Variants in NKAIN3 observed in about 807,000 individuals in gnomAD.
The protein encoded by NKAIN3 is sodium/potassium-transporting ATPase subunit beta-1-interacting protein 3.
Under a neutral mutation model 30.2 loss-of-function variants are expected in NKAIN3, and 25 were observed. The ratio of observed to expected loss-of-function variants is 0.83; its 90% confidence interval spans 0.60 to 1.16. The LOEUF (loss-of-function observed/expected upper bound fraction) is 1.16. Among genes scored for constraint, NKAIN3 ranks in the 50% most tolerant of loss-of-function variants. The pLI is 0.00. For missense variants in NKAIN3, 225 were observed against 254.1 expected, an observed-to-expected ratio of 0.89 and a Z score of 0.78; for synonymous variants, 91 against 89.6, an observed-to-expected ratio of 1.02 and a Z score of -0.09.
intron 1 of NKAIN3, among the ~76,000 whole-genome samples, chr8:62,549,771 G>C (rs1449826767): frequency 6.6e-6 from 1 of 151,078 alleles, no homozygotes; most frequent in Non-Finnish European, 1.5e-5. Flanking sequence ...AAAAGTTTTA[G>C]AATTGATTTT....
chr8:62,433,397 TAAAAA>T (rs960625099), intron 1 of NKAIN3, among the ~76,000 whole-genome samples: 3 of 152,054 alleles, frequency 2.0e-5, no homozygotes, highest in Non-Finnish European at 2.9e-5. Flanking sequence ...ATTAGTAAAA[TAAAAA>T]TACAATCTCA....
chr8:62,460,691 C>T (rs2129599450), intron 1 of NKAIN3, among the ~76,000 whole-genome samples: 1 of 152,250 alleles, frequency 6.6e-6, no homozygotes, highest in African/African-American at 2.4e-5. Context: ...TACTCAAATC[C>T]TCACTCCCAC....
intron 1 of NKAIN3, among the ~76,000 whole-genome samples, chr8:62,393,223 C>A (rs558407290): frequency 1.4e-4 from 21 of 152,052 alleles, no homozygotes; most frequent in African/African-American, 5.1e-4. Context: ...CTTCTAAAAG[C>A]TTTATAGTTT....
intron 4 of NKAIN3, among the ~76,000 whole-genome samples, chr8:62,756,966 A>C (rs1449603356): frequency 1.3e-5 from 2 of 152,190 alleles, no homozygotes; most frequent in Non-Finnish European, 2.9e-5. Flanking sequence ...TAATCTCCAA[A>C]TATTGATTAT....
intron 1 of NKAIN3, among the ~76,000 whole-genome samples, chr8:62,332,274 G>A (rs1815381174): frequency 6.6e-6 from 1 of 152,056 alleles, no homozygotes; most frequent in African/African-American, 2.4e-5. Context: ...AGACTTCCAA[G>A]AACATATTGC....
chr8:62,723,091 C>G (rs1419856482), intron 3 of NKAIN3, among the ~76,000 whole-genome samples: 1 of 152,028 alleles, frequency 6.6e-6, no homozygotes, highest in African/African-American at 2.4e-5. Context: ...GATTCAAAAC[C>G]AATCAGCTGC....
intron 1 of NKAIN3, among the ~76,000 whole-genome samples, chr8:62,431,361 C>A (rs1300379700): frequency 6.6e-6 from 1 of 151,812 alleles, no homozygotes; most frequent in African/African-American, 2.4e-5. Flanking sequence ...TATATTTCTA[C>A]TTTTTTGGTT....
intron 3 of NKAIN3, among the ~76,000 whole-genome samples, chr8:62,602,557 G>T (rs1206707789): frequency 1.3e-5 from 2 of 151,932 alleles, no homozygotes; most frequent in Non-Finnish European, 1.5e-5. Flanking sequence ...TGACAACATT[G>T]GTCATAAAAA....
chr8:62,344,107 G>T (rs544566625), intron 1 of NKAIN3, among the ~76,000 whole-genome samples: 14 of 152,128 alleles, frequency 9.2e-5, no homozygotes, highest in East Asian at 3.9e-4. Context: ...CAGCCAGGCT[G>T]GGGGGTGGAG....
At position 62,982,516 on chromosome 8, in the gene NKAIN3, G is replaced by A. The variant is rs537968001; in HGVS notation, c.*17109G>A. 1.3e-4 allele frequency: 20 copies of A among 152,252 alleles called. No individual in the cohort carries two copies. The South Asian group carries it at 4.2e-3, about 32-fold the overall frequency. 9.4% of individuals were successfully genotyped at this position (152,252 alleles called of 1,614,324 possible). A position where few individuals can be genotyped will look rare whatever the true frequency, so the allele number is the denominator to read the frequency against. On this transcript the variant is annotated 3_prime_UTR_variant, in exon 7 of 7. Coordinates refer to ENST00000623646, the MANE Select transcript of NKAIN3 (RefSeq NM_001304533.3). ...CCTCTCCTTCCAAAATGGCTAAAAGGGCAAAGCGTCAGTAATTCTGTAGAC... is the reference window on the plus strand; with the variant it reads ...CCTCTCCTTCCAAAATGGCTAAAAGAGCAAAGCGTCAGTAATTCTGTAGAC...
At chr8:62,403,606 G>T (rs1299032617) in intron 1 of NKAIN3, among the ~76,000 whole-genome samples, 1 of 152,210 alleles carries the variant, frequency 6.6e-6, no homozygotes, top group Non-Finnish European at 1.5e-5. Flanking sequence ...ATGCGGTATT[G>T]GTCCTGAGGG....
intron 1 of NKAIN3, among the ~76,000 whole-genome samples, chr8:62,451,447 C>G (rs1227724136): frequency 6.6e-6 from 1 of 151,958 alleles, no homozygotes; most frequent in African/African-American, 2.4e-5. Context: ...TGATAGTAAT[C>G]TAGATGAGTT....
At chr8:62,482,189 T>G (rs1209186714) in intron 1 of NKAIN3, 1 of 152,226 alleles carries the variant, frequency 6.6e-6, no homozygotes, top group East Asian at 1.9e-4. Flanking sequence ...TTTGCTTTCT[T>G]TATTTTTTAA....
chr8:62,257,024 A>AC (rs1812282459), intron 1 of NKAIN3, among the ~76,000 whole-genome samples: 3 of 152,190 alleles, frequency 2.0e-5, no homozygotes, highest in African/African-American at 7.2e-5. Context: ...ATGTTTTGAT[A>AC]TATGCATAAA....
intron 4 of NKAIN3, among the ~76,000 whole-genome samples, chr8:62,763,734 A>C (rs1475184171): frequency 6.6e-6 from 1 of 152,244 alleles, no homozygotes; most frequent in Non-Finnish European, 1.5e-5. Flanking sequence ...GCTACTGTTA[A>C]GAGTTAACGA....
At chr8:62,575,388 A>G (rs772426269) in intron 1 of NKAIN3, among the ~76,000 whole-genome samples, 1 of 152,136 alleles carries the variant, frequency 6.6e-6, no homozygotes, top group Non-Finnish European at 1.5e-5. Flanking sequence ...ATAAAATTAA[A>G]TGCCTAGGAA....
intron 3 of NKAIN3, among the ~76,000 whole-genome samples, chr8:62,641,869 G>A (rs545765530): frequency 6.6e-6 from 1 of 151,946 alleles, no homozygotes; most frequent in African/African-American, 2.4e-5. Flanking sequence ...GATGCATTTG[G>A]CTAAGATTAA....
intron 1 of NKAIN3, among the ~76,000 whole-genome samples, chr8:62,363,004 T>G (rs116923340): frequency 0.016 from 2,394 of 152,276 alleles, 31 homozygotes; most frequent in Non-Finnish European, 0.025. Context: ...AATTAGGTTT[T>G]CAGTCTTGTC....
intron 1 of NKAIN3, chr8:62,474,195 A>G (rs991053274): frequency 6.6e-6 from 1 of 152,208 alleles, no homozygotes; most frequent in African/African-American, 2.4e-5. Context: ...AGAAATCACC[A>G]AGCAGACATA....
Sources: allele counts gnomAD v4.1 joint callset (sites outside exome capture counted in the v4.1 genomes callset), GRCh38; gene constraint gnomAD v4.1.1; transcripts MANE v1.5; gene names NCBI Gene and HGNC (gene_info 2026-07-23, HGNC 2026-07-21).